The following ASXL3 variants were observed in gnomAD, a reference collection of about 807,000 sequenced individuals.
The protein encoded by ASXL3 is putative Polycomb group protein ASXL3.
Under a neutral mutation model 170.6 loss-of-function variants are expected in ASXL3, and 34 were observed. The observed-to-expected ratio is 0.20, with a 90% CI of 0.15 to 0.27. ASXL3 has a LOEUF of 0.27. Ranked by LOEUF, ASXL3 falls within the 10% of genes least tolerant of loss-of-function variation. The pLI is 1.00. For missense variants in ASXL3, 2,592 were observed against 2,695.3 expected, an observed-to-expected ratio of 0.96 and a Z score of 0.85; for synonymous variants, 1,002 against 989.1, an observed-to-expected ratio of 1.01 and a Z score of -0.24.
intron 8 of ASXL3, among the ~76,000 whole-genome samples, chr18:33,698,804 A>C (rs1247068260): frequency 6.6e-6 from 1 of 152,054 alleles, no homozygotes; most frequent in Non-Finnish European, 1.5e-5. Flanking sequence ...ATTTTTTCGG[A>C]GGGGAAAGGA....
intron 8 of ASXL3, among the ~76,000 whole-genome samples, chr18:33,730,642 G>A (rs1314037863): frequency 6.6e-6 from 1 of 152,156 alleles, no homozygotes; most frequent in Non-Finnish European, 1.5e-5. Context: ...CATCAGTCAT[G>A]CTGAACCCAG....
chr18:33,621,387 A>G (rs1023975707), intron 2 of ASXL3, among the ~76,000 whole-genome samples: 1 of 152,182 alleles, frequency 6.6e-6, no homozygotes, highest in African/African-American at 2.4e-5. Context: ...GGAACTATTG[A>G]AATAGTTCTT....
At chr18:33,646,495 GTT>G (rs1329538455) in intron 4 of ASXL3, 142 bp downstream of exon 4, 1 of 578,230 alleles carries the variant, frequency 1.7e-6, no homozygotes, top group East Asian at 3.1e-5. Flanking sequence ...TCATCAAGGT[GTT>G]TTGATTCAAA....
chr18:33,662,307 G>T (rs1315023201), intron 5 of ASXL3, among the ~76,000 whole-genome samples: 1 of 152,166 alleles, frequency 6.6e-6, no homozygotes, highest in East Asian at 1.9e-4. Context: ...TAGACACAAG[G>T]TTGGGCTCTG....
chr18:33,714,324 T>C (rs1027660517), intron 8 of ASXL3, among the ~76,000 whole-genome samples: 23 of 152,158 alleles, frequency 1.5e-4, no homozygotes, highest in Admixed American at 1.2e-3. Context: ...TTGAATTCAA[T>C]ATAGGCAGGT....
chr18:33,728,819 T>C (rs1468074907), intron 8 of ASXL3, among the ~76,000 whole-genome samples: 1 of 152,220 alleles, frequency 6.6e-6, no homozygotes, highest in African/African-American at 2.4e-5. Context: ...TCTCTTCTGT[T>C]ACACAGCTAC....
chr18:33,633,415 A>T (rs538796582), intron 2 of ASXL3, among the ~76,000 whole-genome samples: 1 of 152,320 alleles, frequency 6.6e-6, no homozygotes, highest in Non-Finnish European at 1.5e-5. Context: ...CATTACGTGG[A>T]TATTAAAAAC....
At chr18:33,703,008 T>C (rs192242464) in intron 8 of ASXL3, among the ~76,000 whole-genome samples, 1 of 152,258 alleles carries the variant, frequency 6.6e-6, no homozygotes, top group Non-Finnish European at 1.5e-5. Flanking sequence ...AAATTAAATT[T>C]CAGTTCCTTT....
At chr18:33,667,696 G>A (rs1487147457) in intron 5 of ASXL3, among the ~76,000 whole-genome samples, 1 of 151,852 alleles carries the variant, frequency 6.6e-6, no homozygotes, top group East Asian at 1.9e-4. Context: ...ACTCTAAATT[G>A]GTTCTCCCCG....
chr18:33,683,725 ACAG>A (rs2066549727), intron 8 of ASXL3, 157 bp downstream of exon 8: 6 of 769,686 alleles, frequency 7.8e-6, no homozygotes, highest in Admixed American at 7.2e-5. Context: ...ATCCTCTAAA[ACAG>A]AACCATTTTT....
intron 2 of ASXL3, among the ~76,000 whole-genome samples, chr18:33,621,443 C>T (rs145518678): frequency 5.9e-5 from 9 of 152,016 alleles, no homozygotes; most frequent in Non-Finnish European, 8.8e-5. Flanking sequence ...TGGCAAAAAC[C>T]GCAATTACTT....
At chr18:33,581,379 T>G (rs75223722) in intron 1 of ASXL3, among the ~76,000 whole-genome samples, 10,714 of 152,058 alleles carry the variant, frequency 0.07, 412 homozygotes, top group African/African-American at 0.082. Flanking sequence ...GTTTTTGCAA[T>G]AAATGAACTA....
intron 5 of ASXL3, among the ~76,000 whole-genome samples, chr18:33,664,457 A>G (rs999836579): frequency 7.2e-5 from 11 of 152,180 alleles, no homozygotes; most frequent in African/African-American, 2.7e-4. Flanking sequence ...ACCAGCCCAT[A>G]CTGATAACAC....
intron 8 of ASXL3, among the ~76,000 whole-genome samples, chr18:33,698,590 G>A (rs2066813971): frequency 6.6e-6 from 1 of 152,044 alleles, no homozygotes; most frequent in Admixed American, 6.6e-5. Flanking sequence ...AACAAAAAGG[G>A]CTATAGAATA....
At chr18:33,692,101 T>C (rs1447526688) in intron 8 of ASXL3, among the ~76,000 whole-genome samples, 1 of 152,178 alleles carries the variant, frequency 6.6e-6, no homozygotes. Context: ...GTCCCCAAGA[T>C]GCAAAGGCAG....
At chr18:33,668,346 T>C (rs1325292622) in intron 5 of ASXL3, among the ~76,000 whole-genome samples, 24 of 151,078 alleles carry the variant, frequency 1.6e-4, no homozygotes, top group Admixed American at 1.5e-3. Context: ...GAGGATTGCT[T>C]GAACCCAGGA....
Position 33,744,603 on chromosome 18 carries a change from C to T in ASXL3, c.4755C>T (p.Gly1585=). Residue 1585 remains glycine (G), a synonymous_variant, in exon 12 of 12, where the codon GGC becomes GGT. Coordinates refer to ENST00000269197, the MANE Select transcript of ASXL3 (RefSeq NM_030632.3). ...ATAACTTTGCTGAGCAGGCACGTGGCCCAGCTCCTTTCAAAAGTGAAGCAG... is the reference window on the plus strand; with the variant it reads ...ATAACTTTGCTGAGCAGGCACGTGGTCCAGCTCCTTTCAAAAGTGAAGCAG... ...PSHNFAEQAR[G]PAPFKSEADT... 1.2e-6 allele frequency: 2 copies of T among 1,608,796 alleles called. No homozygotes were observed. The highest frequency in any genetic ancestry group is 2.2e-5 in the South Asian group (2 of 90,220).
intron 7 of ASXL3, among the ~76,000 whole-genome samples, chr18:33,682,205 A>G (rs886182388): frequency 5.3e-5 from 8 of 152,206 alleles, no homozygotes; most frequent in African/African-American, 1.9e-4. Context: ...CACGACATAT[A>G]AACAATTGGA....
rs140555678 is a variant in ASXL3 at position 33,700,739 on chromosome 18, A to G, written c.879+17171A>G. Among the ~76,000 whole-genome samples, 687 of 152,208 alleles carry G rather than the reference A, an allele frequency of 4.5e-3. 6 individuals carry two copies. Among genetic ancestry groups the G allele is most frequent in the Non-Finnish European group, 7.5e-3 (510 of 67,982 alleles). On this transcript the variant is annotated intron_variant, in intron 8 of 11. Transcript: ENST00000269197. The stretch of plus-strand genomic sequence containing the variant: ...AAAGTGTTGGCTATAGAATGGAACC[A>G]TCCACTATAGATTGAGCTTTAGCCA...
Sources: allele counts gnomAD v4.1 joint callset (sites outside exome capture counted in the v4.1 genomes callset), GRCh38; gene constraint gnomAD v4.1.1; transcripts MANE v1.5; gene names NCBI Gene and HGNC (gene_info 2026-07-23, HGNC 2026-07-21).